The following NDUFS4 variants were observed in gnomAD, a reference collection of about 807,000 sequenced individuals.
The protein encoded by NDUFS4 is NADH dehydrogenase [ubiquinone] iron-sulfur protein 4, mitochondrial.
Under a neutral mutation model 24.3 loss-of-function variants are expected in NDUFS4, and 28 were observed. The observed-to-expected ratio is 1.15, with a 90% CI of 0.85 to 1.58. The LOEUF is 1.58. Among genes scored for constraint, NDUFS4 ranks in the 40% most tolerant of loss-of-function variants. The pLI is 0.00. For synonymous variants in NDUFS4, 93 were observed against 69.7 expected, an observed-to-expected ratio of 1.34 and a Z score of -1.67; for missense variants, 223 against 207.9, an observed-to-expected ratio of 1.07 and a Z score of -0.45.
intron 4 of NDUFS4, among the ~76,000 whole-genome samples, chr5:53,678,543 C>G (rs1242413506): frequency 6.6e-6 from 1 of 152,082 alleles, no homozygotes; most frequent in East Asian, 1.9e-4. Flanking sequence ...CCTAATAGGA[C>G]AACATATGGG....
intron 3 of NDUFS4, among the ~76,000 whole-genome samples, chr5:53,654,380 T>C (rs1405395568): frequency 1.3e-5 from 2 of 152,164 alleles, no homozygotes; most frequent in Non-Finnish European, 2.9e-5. Context: ...ATCTGTGGAA[T>C]TGGCCTGATG....
Position 53,560,674 on chromosome 5 carries a change from G to T in NDUFS4, c.12G>T (p.Val4=). 6.2e-7 allele frequency: 1 copy of T among 1,614,092 alleles called. No individual in the cohort carries two copies. Among genetic ancestry groups the T allele is most frequent in the Non-Finnish European group, 8.5e-7 (1 of 1,180,004 alleles). The part of the protein sequence containing the change: MAA[V]SMSVVLRQTL... ...TTGCCTGCAGCAAGATGGCGGCGGTGTCAATGTCAGTGGTACTGAGGCAGA... is the reference window on the plus strand; with the variant it reads ...TTGCCTGCAGCAAGATGGCGGCGGTTTCAATGTCAGTGGTACTGAGGCAGA... Residue 4 remains valine (V), a synonymous_variant, in exon 1 of 5, where the codon GTG becomes GTT. Transcript: ENST00000296684.
intron 1 of NDUFS4, among the ~76,000 whole-genome samples, chr5:53,576,678 A>G (rs1183243866): frequency 2.0e-5 from 3 of 152,196 alleles, no homozygotes; most frequent in African/African-American, 7.2e-5. Flanking sequence ...GTATCGTATG[A>G]ATATAGATCA....
intron 1 of NDUFS4, among the ~76,000 whole-genome samples, chr5:53,566,325 A>G (rs544705419): frequency 3.3e-5 from 5 of 152,322 alleles, no homozygotes; most frequent in South Asian, 2.1e-4. Flanking sequence ...TTTCAAATGG[A>G]AGAGCTTCTA....
Position 53,566,319 on chromosome 5 carries a change from A to T in NDUFS4, c.98+5559A>T, listed in dbSNP as rs574006632. On this transcript the variant is annotated intron_variant, in intron 1 of 4. Coordinates refer to ENST00000296684, the MANE Select transcript of NDUFS4 (RefSeq NM_002495.4). ...GTCTGTACTGAATACAAACAATTTCAAATGGAAGAGCTTCTAAAACATGTC... is the reference window on the plus strand; with the variant it reads ...GTCTGTACTGAATACAAACAATTTCTAATGGAAGAGCTTCTAAAACATGTC... Among the ~76,000 whole-genome samples the T allele has an allele frequency of 9.2e-5, 14 of 152,326 alleles. 1 individual carries two copies. In the South Asian group the frequency reaches 2.9e-3, roughly 32 times the overall value.
chr5:53,618,044 A>T (rs1345253187), intron 2 of NDUFS4, among the ~76,000 whole-genome samples: 1 of 152,176 alleles, frequency 6.6e-6, no homozygotes, highest in Non-Finnish European at 1.5e-5. Flanking sequence ...TAGGAGGCCT[A>T]GTTGTGAGGA....
At chr5:53,664,838 A>G (rs1401361714) in intron 4 of NDUFS4, among the ~76,000 whole-genome samples, 4 of 152,168 alleles carry the variant, frequency 2.6e-5, no homozygotes, top group Non-Finnish European at 5.9e-5. Context: ...CGTCAAAGTC[A>G]TTCTCCATCC....
At chr5:53,605,143 C>A (rs971973851) in intron 2 of NDUFS4, among the ~76,000 whole-genome samples, 3 of 152,100 alleles carry the variant, frequency 2.0e-5, no homozygotes, top group African/African-American at 2.4e-5. Flanking sequence ...ATCGCTTGAA[C>A]CTGGGAGGTG....
chr5:53,573,580 T>A (rs1749286566), intron 1 of NDUFS4: 1 of 451,610 alleles, frequency 2.2e-6, no homozygotes, highest in East Asian at 7.0e-5. Context: ...CTTTTAAAAT[T>A]TTCTTTTCTT....
intron 1 of NDUFS4, among the ~76,000 whole-genome samples, chr5:53,600,667 C>T (rs1750283593): frequency 6.6e-6 from 1 of 152,150 alleles, no homozygotes; most frequent in Admixed American, 6.5e-5. Flanking sequence ...TTCGTTGCTA[C>T]CTTAACTGTC....
intron 2 of NDUFS4, among the ~76,000 whole-genome samples, chr5:53,638,220 C>A (rs1348810302): frequency 1.1e-4 from 17 of 151,988 alleles, no homozygotes; most frequent in Admixed American, 1.1e-3. Context: ...CAGTTCTTCC[C>A]ATATAATTTA....
rs527304762 is a variant in NDUFS4, at chr5:53,614,430, C to A, written c.177+10900C>A. Among the ~76,000 whole-genome samples the A allele has an allele frequency of 5.3e-5, 8 of 151,952 alleles. No individual in the cohort carries two copies. The East Asian group carries it at 1.5e-3, about 29-fold the overall frequency. ...TTCTATATTTAAATTGTTTAAGGAA[C>A]AAAAGATCTTTCCCCTACAGTATTC... On this transcript the variant is annotated intron_variant, in intron 2 of 4. Coordinates refer to ENST00000296684, the MANE Select transcript of NDUFS4 (RefSeq NM_002495.4).
intron 1 of NDUFS4, among the ~76,000 whole-genome samples, chr5:53,593,653 A>G (rs1750044128): frequency 6.7e-6 from 1 of 148,576 alleles, no homozygotes; most frequent in South Asian, 2.1e-4. Flanking sequence ...GAATTTAGTT[A>G]GACCTTTCTT....
chr5:53,621,713 T>C, intron 2 of NDUFS4, among the ~76,000 whole-genome samples: 1 of 128,222 alleles, frequency 7.8e-6, no homozygotes, highest in African/African-American at 2.8e-5. Flanking sequence ...TTTTTTTTTT[T>C]TTTTTTGAGA....
At chr5:53,603,815 A>G (rs1750409646) in intron 2 of NDUFS4, among the ~76,000 whole-genome samples, 1 of 152,056 alleles carries the variant, frequency 6.6e-6, no homozygotes, top group Admixed American at 6.5e-5. Flanking sequence ...TTTTGTAATG[A>G]ATGTTTTGCT....
chr5:53,572,865 C>G (rs758892664), intron 1 of NDUFS4, among the ~76,000 whole-genome samples: 1 of 151,448 alleles, frequency 6.6e-6, no homozygotes, highest in African/African-American at 2.4e-5. Context: ...AGGCTGGTCT[C>G]GAACTCCCGA....
At chr5:53,613,717 A>G (rs1360653699) in intron 2 of NDUFS4, among the ~76,000 whole-genome samples, 2 of 151,602 alleles carry the variant, frequency 1.3e-5, no homozygotes, top group African/African-American at 4.8e-5. Flanking sequence ...CTGTTGCTTA[A>G]AATTCTAAGG....
intron 1 of NDUFS4, among the ~76,000 whole-genome samples, chr5:53,561,705 A>G (rs1025801733): frequency 6.6e-6 from 1 of 152,190 alleles, no homozygotes; most frequent in South Asian, 2.1e-4. Context: ...AGGAAGGTCT[A>G]GTAGAATGCT....
intron 1 of NDUFS4, among the ~76,000 whole-genome samples, chr5:53,579,805 C>T (rs922164886): frequency 6.6e-5 from 10 of 152,156 alleles, no homozygotes; most frequent in African/African-American, 2.4e-4. Context: ...CTGATGTAAT[C>T]ACAATGGTCC....
Sources: allele counts gnomAD v4.1 joint callset (sites outside exome capture counted in the v4.1 genomes callset), GRCh38; gene constraint gnomAD v4.1.1; transcripts MANE v1.5; gene names NCBI Gene and HGNC (gene_info 2026-07-23, HGNC 2026-07-21).